Variants in DNM3 observed in about 807,000 individuals in gnomAD.
DNM3 encodes dynamin-3.
In DNM3, 47 loss-of-function variants were observed where a neutral mutation model predicts 101.6. That is an observed-to-expected ratio of 0.46 (90% confidence interval 0.37 to 0.59). The LOEUF (loss-of-function observed/expected upper bound fraction) is 0.59. DNM3 is among the 20% of genes least tolerant of loss of function. DNM3 has a pLI of 0.00. For missense variants in DNM3, 849 were observed against 1,085.7 expected, an observed-to-expected ratio of 0.78 and a Z score of 3.06; for synonymous variants, 385 against 387.9, an observed-to-expected ratio of 0.99 and a Z score of 0.09.
intron 14 of DNM3, among the ~76,000 whole-genome samples, chr1:172,169,332 G>A (rs1034151518): frequency 2.6e-5 from 4 of 151,878 alleles, no homozygotes; most frequent in African/African-American, 9.7e-5. Context: ...CCCAAGTCCT[G>A]TCTTTTTAGC....
intron 14 of DNM3, among the ~76,000 whole-genome samples, chr1:172,163,117 A>G (rs181704718): frequency 5.1e-4 from 77 of 152,280 alleles, no homozygotes; most frequent in Middle Eastern, 3.4e-3. Flanking sequence ...GACCACAGTC[A>G]AGTTAATTAA....
chr1:172,350,371 C>A (rs1558030499), intron 17 of DNM3, among the ~76,000 whole-genome samples: 1 of 151,350 alleles, frequency 6.6e-6, no homozygotes, highest in Non-Finnish European at 1.5e-5. Context: ...GTGGAATATT[C>A]TTACAGCTAG....
rs192409624 is a variant in DNM3, at chr1:172,117,628, A to C, written c.1546-13547A>C. Among the ~76,000 whole-genome samples, 516 of 152,110 alleles carry C rather than the reference A, an allele frequency of 3.4e-3. 3 individuals are homozygous for C. Among genetic ancestry groups the C allele is most frequent in the Middle Eastern group, 0.017 (5 of 294 alleles). On this transcript the variant is annotated intron_variant, in intron 13 of 20. Transcript: ENST00000627582. ...TCCATTTAAACCTCTTTTTCGTCCTAGTCTTAGGTATGTTTTTATCAGCAG... is the reference window on the plus strand; with the variant it reads ...TCCATTTAAACCTCTTTTTCGTCCTCGTCTTAGGTATGTTTTTATCAGCAG...
At chr1:172,329,198 A>C (rs1442479547) in intron 17 of DNM3, among the ~76,000 whole-genome samples, 2 of 152,156 alleles carry the variant, frequency 1.3e-5, no homozygotes, top group Non-Finnish European at 2.9e-5. Flanking sequence ...AAGATAAAAA[A>C]GGATGTGAAT....
At chr1:172,110,959 C>T (rs145975265) in intron 13 of DNM3, among the ~76,000 whole-genome samples, 219 of 152,272 alleles carry the variant, frequency 1.4e-3, no homozygotes, top group African/African-American at 4.9e-3. Flanking sequence ...TCCCCTGAGC[C>T]GGGGAGATCG....
At chr1:172,147,635 G>A (rs2057963344) in intron 14 of DNM3, among the ~76,000 whole-genome samples, 2 of 152,024 alleles carry the variant, frequency 1.3e-5, no homozygotes. Context: ...ACCTCTAAAG[G>A]GGCAGGGTTA....
chr1:172,217,545 A>G (rs2060748548), intron 14 of DNM3, among the ~76,000 whole-genome samples: 1 of 152,052 alleles, frequency 6.6e-6, no homozygotes, highest in Non-Finnish European at 1.5e-5. Flanking sequence ...TTGTCTTCAC[A>G]CTTTATTTTC....
chr1:172,002,080 A>G (rs1558402764), intron 4 of DNM3, among the ~76,000 whole-genome samples: 1 of 152,142 alleles, frequency 6.6e-6, no homozygotes, highest in East Asian at 1.9e-4. Flanking sequence ...TCCAGGTACT[A>G]TATCTGTCTC....
At chr1:171,969,043 T>A (rs1321016948) in intron 2 of DNM3, among the ~76,000 whole-genome samples, 2 of 152,194 alleles carry the variant, frequency 1.3e-5, no homozygotes, top group Non-Finnish European at 2.9e-5. Flanking sequence ...ATTATTTTAA[T>A]AATGACATTT....
In DNM3 at chr1:171,841,553, G is replaced by C; in HGVS notation, c.-104G>C. 1.4e-6 allele frequency: 2 copies of C among 1,457,442 alleles called. No homozygotes were observed. Among genetic ancestry groups the C allele is most frequent in the South Asian group, 2.6e-5 (2 of 77,270 alleles). 90.3% of individuals were successfully genotyped at this position (1,457,442 alleles called of 1,614,324 possible). A position where few individuals can be genotyped will look rare whatever the true frequency, so the allele number is the denominator to read the frequency against. On this transcript the variant is annotated 5_prime_UTR_variant, in exon 1 of 21. Transcript: ENST00000627582. ...CGACGTCTGCGCCAGGACCTGGCTGGCTGAGCCCGGCGCAGCAGCAGCAGC... is the reference window on the plus strand; with the variant it reads ...CGACGTCTGCGCCAGGACCTGGCTGCCTGAGCCCGGCGCAGCAGCAGCAGC...
At chr1:172,113,948 T>C (rs929944427) in intron 13 of DNM3, among the ~76,000 whole-genome samples, 3 of 152,184 alleles carry the variant, frequency 2.0e-5, no homozygotes, top group African/African-American at 7.2e-5. Flanking sequence ...TTTAATTTCC[T>C]ATGTATTGAA....
rs543407245 is a variant in DNM3 at position 172,051,243 on chromosome 1, T to C, written c.1335+2493T>C. Among the ~76,000 whole-genome samples, 3 of 152,284 alleles carry C rather than the reference T, an allele frequency of 2.0e-5. No individual in the cohort carries two copies. In the East Asian group the frequency reaches 5.8e-4, roughly 29 times the overall value. ...GGCTTCCAAAGATTATTCCTTCACC[T>C]TCTCATAGTCTTCCATTAAGGCCCA... On this transcript the variant is annotated intron_variant, in intron 10 of 20. Coordinates refer to ENST00000627582, the MANE Select transcript of DNM3 (RefSeq NM_015569.5).
intron 13 of DNM3, among the ~76,000 whole-genome samples, chr1:172,119,986 C>T (rs762521999): frequency 2.0e-5 from 3 of 152,120 alleles, no homozygotes; most frequent in Admixed American, 1.3e-4. Flanking sequence ...TTTTTAATGT[C>T]GGATTCTGCA....
intron 14 of DNM3, among the ~76,000 whole-genome samples, chr1:172,217,360 T>C (rs960642384): frequency 6.6e-6 from 1 of 152,150 alleles, no homozygotes; most frequent in Non-Finnish European, 1.5e-5. Flanking sequence ...TGGAAAGCCA[T>C]GTATTGGTAT....
intron 17 of DNM3, among the ~76,000 whole-genome samples, chr1:172,364,340 G>A (rs2067898582): frequency 6.6e-6 from 1 of 151,820 alleles, no homozygotes; most frequent in Non-Finnish European, 1.5e-5. Context: ...TATCTAGTCT[G>A]CATGTCAGTT....
chr1:172,119,349 T>G (rs2056147724), intron 13 of DNM3, among the ~76,000 whole-genome samples: 1 of 152,062 alleles, frequency 6.6e-6, no homozygotes, highest in Non-Finnish European at 1.5e-5. Context: ...GTGAAAAAAA[T>G]TTTACGTTTG....
intron 1 of DNM3, among the ~76,000 whole-genome samples, chr1:171,894,450 G>A (rs969430126): frequency 6.6e-6 from 1 of 151,700 alleles, no homozygotes; most frequent in East Asian, 1.9e-4. Flanking sequence ...TGTCTCCCAG[G>A]CTGGAGTGCA....
rs2061682095 is a variant in DNM3 at position 172,239,805 on chromosome 1, T to TTC, written c.1660-13767_1660-13766insCT. Among the ~76,000 whole-genome samples, 2 of 79,192 alleles carry TTC rather than the reference T, an allele frequency of 2.5e-5. 1 individual carries two copies. Among genetic ancestry groups the TTC allele is most frequent in the Admixed American group, 2.5e-4 (2 of 8,004 alleles). The allele number at this position is 79,192 out of a possible 152,430, so 52.0% of individuals were successfully genotyped here. A position where few individuals can be genotyped will look rare whatever the true frequency, so the allele number is the denominator to read the frequency against. Reference sequence around the variant, plus strand: ...AGCCCTGTCTTTTTTTTTCTCTTTTTTTTTTTTTTTTTTTTGTAGTGGGCA... The same window carrying TTC: ...AGCCCTGTCTTTTTTTTTCTCTTTTTTCTTTTTTTTTTTTTTTGTAGTGGGCA... On this transcript the variant is annotated intron_variant, in intron 14 of 20. Coordinates refer to ENST00000627582, the MANE Select transcript of DNM3 (RefSeq NM_015569.5).
intron 1 of DNM3, among the ~76,000 whole-genome samples, chr1:171,917,078 A>C (rs561463510): frequency 1.3e-5 from 2 of 152,238 alleles, no homozygotes; most frequent in East Asian, 3.9e-4. Context: ...ATTTATTTGC[A>C]TGTTGTCCTC....
Sources: allele counts gnomAD v4.1 joint callset (sites outside exome capture counted in the v4.1 genomes callset), GRCh38; gene constraint gnomAD v4.1.1; transcripts MANE v1.5; gene names NCBI Gene and HGNC (gene_info 2026-07-23, HGNC 2026-07-21).